CDH13: variants seen among roughly 807,000 people sequenced by gnomAD.
The protein encoded by CDH13 is cadherin 13.
Under a neutral mutation model 63.8 loss-of-function variants are expected in CDH13, and 24 were observed. The observed-to-expected ratio is 0.38, with a 90% CI of 0.27 to 0.53. The LOEUF (loss-of-function observed/expected upper bound fraction) is 0.53, where lower values mean the gene tolerates loss of function less well. CDH13 is among the 20% of genes least tolerant of loss of function. The pLI is 0.85. For synonymous variants in CDH13, 503 were observed against 355.3 expected (o/e 1.42, Z -4.67); for missense variants, 1,049 against 903.1 (o/e 1.16, Z -2.07).
intron 6 of CDH13, among the ~76,000 whole-genome samples, chr16:83,382,672 C>T (rs2091591609): frequency 6.6e-6 from 1 of 152,080 alleles, no homozygotes; most frequent in South Asian, 2.1e-4. Context: ...GTTTTTCTAG[C>T]CCTCCTACCT....
At chr16:83,535,835 G>T (rs1330722703) in intron 7 of CDH13, among the ~76,000 whole-genome samples, 1 of 146,478 alleles carries the variant, frequency 6.8e-6, no homozygotes, top group Non-Finnish European at 1.5e-5. Context: ...ACGAAGGAAA[G>T]GAAGGAAGGG....
At chr16:83,441,996 C>T (rs1229156499) in intron 6 of CDH13, among the ~76,000 whole-genome samples, 1 of 152,072 alleles carries the variant, frequency 6.6e-6, no homozygotes, top group Admixed American at 6.6e-5. Context: ...TGATTTGGCC[C>T]AGGTCACACC....
chr16:83,574,205 G>A (rs569595290), intron 7 of CDH13, among the ~76,000 whole-genome samples: 1 of 152,292 alleles, frequency 6.6e-6, no homozygotes, highest in South Asian at 2.1e-4. Context: ...TTATGCTGAT[G>A]TTGCTATTGT....
intron 5 of CDH13, among the ~76,000 whole-genome samples, chr16:83,323,362 G>C (rs1362045583): frequency 1.3e-5 from 2 of 149,512 alleles, no homozygotes; most frequent in African/African-American, 2.5e-5. Flanking sequence ...TGCAAGCTCT[G>C]ACCCGCCTCC....
At chr16:82,780,524 G>C (rs1309022228) in intron 1 of CDH13, among the ~76,000 whole-genome samples, 1 of 152,004 alleles carries the variant, frequency 6.6e-6, no homozygotes, top group Admixed American at 6.6e-5. Context: ...ATTGATTCCA[G>C]GTGATGCTGA....
chr16:83,455,311 CA>C (rs2072992539), intron 6 of CDH13, among the ~76,000 whole-genome samples: 1 of 152,150 alleles, frequency 6.6e-6, no homozygotes, highest in African/African-American at 2.4e-5. Context: ...TGATGAATGG[CA>C]GATGGACATT....
chr16:83,756,091 C>T (rs1913486559), intron 11 of CDH13, among the ~76,000 whole-genome samples: 1 of 151,980 alleles, frequency 6.6e-6, no homozygotes, highest in African/African-American at 2.4e-5. Flanking sequence ...TTGTATAACC[C>T]TTAGGGTAAT....
At chr16:83,016,225 A>G (rs1269799666) in intron 2 of CDH13, among the ~76,000 whole-genome samples, 1 of 152,186 alleles carries the variant, frequency 6.6e-6, no homozygotes, top group Non-Finnish European at 1.5e-5. Context: ...TGCACACAAG[A>G]ATTAATTGTG....
At chr16:83,451,803 C>T (rs2072894167) in intron 6 of CDH13, among the ~76,000 whole-genome samples, 1 of 152,232 alleles carries the variant, frequency 6.6e-6, no homozygotes, top group Non-Finnish European at 1.5e-5. Flanking sequence ...CAGGCATGTG[C>T]CACACGATGC....
intron 5 of CDH13, among the ~76,000 whole-genome samples, chr16:83,319,464 G>C (rs1189136724): frequency 6.6e-6 from 1 of 152,176 alleles, no homozygotes. Context: ...AACCTAAGAA[G>C]GCTTTGTTGT....
At chr16:82,835,559 C>G (rs1243943278) in intron 1 of CDH13, among the ~76,000 whole-genome samples, 1 of 152,184 alleles carries the variant, frequency 6.6e-6, no homozygotes, top group Non-Finnish European at 1.5e-5. Flanking sequence ...CTTACCCTTG[C>G]TCAATCATTT....
chr16:82,681,291 A>G (rs754905870), intron 1 of CDH13, among the ~76,000 whole-genome samples: 18 of 152,218 alleles, frequency 1.2e-4, no homozygotes, highest in Non-Finnish European at 2.2e-4. Context: ...AAATGTCCAG[A>G]ATAGGCAATT....
chr16:83,039,748 T>G (rs1301461699), intron 3 of CDH13, among the ~76,000 whole-genome samples: 2 of 152,002 alleles, frequency 1.3e-5, no homozygotes, highest in African/African-American at 4.8e-5. Context: ...TACATTGAAC[T>G]CTCCCTCCTT....
intron 8 of CDH13, among the ~76,000 whole-genome samples, chr16:83,611,159 C>G (rs1422927928): frequency 1.3e-5 from 2 of 151,922 alleles, no homozygotes; most frequent in African/African-American, 4.8e-5. Context: ...TTTCTCTTAT[C>G]GACGTGTTTA....
At chr16:83,248,286 A>G (rs1409838836) in intron 5 of CDH13, among the ~76,000 whole-genome samples, 1 of 152,178 alleles carries the variant, frequency 6.6e-6, no homozygotes, top group Admixed American at 6.5e-5. Flanking sequence ...AAGGAGAAAC[A>G]GAGGCAGGGG....
chr16:83,209,954 C>T (rs2039292781), intron 4 of CDH13, among the ~76,000 whole-genome samples: 1 of 152,094 alleles, frequency 6.6e-6, no homozygotes, highest in African/African-American at 2.4e-5. Context: ...AGGGCTGTGC[C>T]TCATGCTGGG....
intron 1 of CDH13, among the ~76,000 whole-genome samples, chr16:82,688,220 G>A (rs897569489): frequency 6.6e-6 from 1 of 152,164 alleles, no homozygotes; most frequent in Non-Finnish European, 1.5e-5. Flanking sequence ...GGCAGCAACT[G>A]CTACTTCCAG....
At chr16:83,661,241 C>G (rs73248711) in intron 8 of CDH13, among the ~76,000 whole-genome samples, 8 of 152,070 alleles carry the variant, frequency 5.3e-5, no homozygotes, top group Admixed American at 5.2e-4. Context: ...AATTGCAGCA[C>G]TTTGCGGGAC....
At chr16:82,815,995 G>C (rs953233658) in intron 1 of CDH13, among the ~76,000 whole-genome samples, 20 of 152,138 alleles carry the variant, frequency 1.3e-4, no homozygotes, top group African/African-American at 4.6e-4. Context: ...GTATTACCAA[G>C]TATGTGACAG....
Sources: gnomAD v4.1 joint callset for allele counts (sites outside exome capture counted in the v4.1 genomes callset) on GRCh38, gnomAD v4.1.1 for gene constraint, MANE v1.5 for transcripts, NCBI Gene and HGNC (gene_info 2026-07-23, HGNC 2026-07-21) for gene names.